COL1A1: variants seen among roughly 807,000 people sequenced by gnomAD.
The protein encoded by COL1A1 is collagen alpha-1(I) chain.
In COL1A1, 21 loss-of-function variants were observed where a neutral mutation model predicts 195.7. That is an observed-to-expected ratio of 0.11 (90% CI 0.08 to 0.15). The LOEUF (loss-of-function observed/expected upper bound fraction) is 0.15, where lower values mean the gene tolerates loss of function less well. COL1A1 is among the 10% of genes least tolerant of loss of function. COL1A1 has a pLI of 1.00. For synonymous variants in COL1A1, 749 were observed against 747.3 expected, an observed-to-expected ratio of 1.00 and a Z score of -0.04; for missense variants, 1,365 against 2,051.0, an observed-to-expected ratio of 0.67 and a Z score of 6.46.
chr17:50,200,030 A>T (rs1017312097), intron 1 of COL1A1, 83 bp from the exon 2 acceptor site: 3 of 1,452,120 alleles, frequency 2.1e-6, no homozygotes, highest in Admixed American at 1.7e-5. Context: ...TAAGAGGCAC[A>T]CTTGGATTTT....
Position 50,195,832 on chromosome 17 carries a change from G to A in COL1A1, c.1056+91C>T, listed in dbSNP as rs1172256672. 1 of 1,478,908 alleles carries A rather than the reference G, an allele frequency of 6.8e-7. No homozygotes were observed. The highest frequency in any genetic ancestry group is 2.5e-5 in the East Asian group (1 of 40,640). The allele number at this position is 1,478,908 out of a possible 1,614,324, so 91.6% of individuals were successfully genotyped here. A position where few individuals can be genotyped will look rare whatever the true frequency, so the allele number is the denominator to read the frequency against. On this transcript the variant is annotated intron_variant, in intron 16 of 50. Coordinates refer to ENST00000225964, the MANE Select transcript of COL1A1 (RefSeq NM_000088.4). The surrounding 1 kb of genome is among the most constrained non-coding windows in gnomAD (Gnocchi z 4.3). The stretch of plus-strand genomic sequence containing the variant: ...GTGTTAGTGAACGGGCTGCTCTCTT[G>A]CCACTCTGGGTCCCTTTGGTTTGGG...
intron 32 of COL1A1, 93 bp downstream of exon 32, chr17:50,191,290 A>G: frequency 1.7e-6 from 2 of 1,192,346 alleles, no homozygotes; most frequent in Admixed American, 3.4e-5. Flanking sequence ...GAAGAGGGAC[A>G]GATCCCAGAG....
At position 50,188,799 on chromosome 17, in the gene COL1A1, C is replaced by CAGAG. The variant is rs138425306; in HGVS notation, c.3046-8_3046-5dup. 4,722 of 1,539,044 alleles carry CAGAG rather than the reference C, an allele frequency of 3.1e-3. 59 individuals carry two copies. In the African/African-American group the frequency reaches 0.055, roughly 18 times the overall value. On this transcript the variant is annotated splice_region_variant and splice_polypyrimidine_tract_variant and intron_variant, in intron 41 of 50. Coordinates refer to ENST00000225964, the MANE Select transcript of COL1A1 (RefSeq NM_000088.4). This position sits in a 1 kb window ranked among gnomAD's most constrained non-coding sequence, Gnocchi z 5.6. Reference sequence around the variant, plus strand: ...AACCTTCGGCACCAGGAGCCCCCTGCAGAGAGAGAGAGAGAGAAGTGAGAG... The same window carrying CAGAG: ...AACCTTCGGCACCAGGAGCCCCCTGCAGAGAGAGAGAGAGAGAGAGAAGTGAGAG...
rs747451986 is a variant in COL1A1 at position 50,198,421 on chromosome 17, C to T, written c.543+12G>A. The T allele has an allele frequency of 1.9e-6, 3 of 1,612,548 alleles. No homozygotes were observed. Among genetic ancestry groups the T allele is most frequent in the Admixed American group, 1.7e-5 (1 of 59,798 alleles). On this transcript the variant is annotated intron_variant, in intron 6 of 50. Transcript: ENST00000225964. The stretch of plus-strand genomic sequence containing the variant: ...CTCTCTTCTGTCATCCATGCTCCCC[C>T]TGCTGGCTCACCATGGGGCCAGGCA...
rs1277631658 is a variant in COL1A1, at chr17:50,195,520, CTG to C, written c.1156-44_1156-43del. ...GGAGTGTCAGCAACAGGCAAGGACTCTGAGGTTAGAAAGTGGCAAAGGGGACA... is the reference window on the plus strand; with the variant it reads ...GGAGTGTCAGCAACAGGCAAGGACTCAGGTTAGAAAGTGGCAAAGGGGACA... On this transcript the variant is annotated intron_variant, in intron 17 of 50. Transcript: ENST00000225964. The surrounding 1 kb of genome is among the most constrained non-coding windows in gnomAD (Gnocchi z 4.3). 16 of 1,613,960 alleles carry C rather than the reference CTG, an allele frequency of 9.9e-6. No homozygotes were observed. The highest frequency in any genetic ancestry group is 1.4e-5 in the Non-Finnish European group (16 of 1,179,986).
Position 50,190,533 on chromosome 17 carries a change from C to G in COL1A1, c.2397+10G>C, listed in dbSNP as rs2144555148. ...CAAGTATGGGGTCTTAACAGGTCTT[C>G]TGTACTTACGGGGGCACCACGAGCT... On this transcript the variant is annotated intron_variant, in intron 34 of 50. Coordinates refer to ENST00000225964, the MANE Select transcript of COL1A1 (RefSeq NM_000088.4). This position sits in a 1 kb window ranked among gnomAD's most constrained non-coding sequence, Gnocchi z 4.7. The G allele has an allele frequency of 6.2e-7, 1 of 1,612,606 alleles. No homozygotes were observed. The highest frequency in any genetic ancestry group is 8.5e-7 in the Non-Finnish European group (1 of 1,179,108).
At position 50,185,950 on chromosome 17, in the gene COL1A1, G is replaced by A; in HGVS notation, c.4076C>T (p.Ser1359Phe). 1 of 1,614,068 alleles carries A rather than the reference G, an allele frequency of 6.2e-7. No homozygotes were observed. The highest frequency in any genetic ancestry group is 8.5e-7 in the Non-Finnish European group (1 of 1,180,024). ...GGTGATGTTCTGGGAGGCCTCGGTG[G>A]ACATCAGGCGCAGGAAGGTCAGCTG... ...AIQLTFLRLM[S>F]TEASQNITYH... is the part of the protein sequence containing the mutation. Residue 1359 changes from serine (S) to phenylalanine (F), a missense_variant, in exon 50 of 51, where the codon TCC (serine) becomes TTC (phenylalanine). By Grantham distance (155) the Ser-to-Phe change is radical. Transcript: ENST00000225964.
Position 50,185,811 on chromosome 17 carries a change from G to A in COL1A1, c.4215C>T (p.Arg1405=), listed in dbSNP as rs1598284018. The A allele has an allele frequency of 6.2e-7, 1 of 1,614,094 alleles. No homozygotes were observed. Among genetic ancestry groups the A allele is most frequent in the Non-Finnish European group, 8.5e-7 (1 of 1,180,038 alleles). ...EIEIRAEGNS[R]FTYSVTVDGC... ...CATCGACAGTGACGCTGTAGGTGAA[G>A]CGGCTGTTGCCCTCGGCGCGGATCT... Residue 1405 remains arginine, a synonymous_variant, in exon 50 of 51, where the codon CGC becomes CGT. Transcript: ENST00000225964.
In COL1A1 at chr17:50,189,507, G is replaced by A. The variant is rs1964089571; in HGVS notation, c.2699C>T (p.Pro900Leu). 6.2e-7 allele frequency: 1 copy of A among 1,613,644 alleles called. No homozygotes were observed. Among genetic ancestry groups the A allele is most frequent in the African/African-American group, 1.3e-5 (1 of 74,804 alleles). ...GNAGPPGPPG[P>L]AGKEGGKGPR... Reference sequence around the variant, plus strand: ...ACCTTTGCCGCCTTCTTTGCCAGCAGGACCAGGAGGGCCAGGGGGTCCAGC... The same window carrying A: ...ACCTTTGCCGCCTTCTTTGCCAGCAAGACCAGGAGGGCCAGGGGGTCCAGC... Residue 900 changes from proline to leucine, a missense_variant, in exon 39 of 51, where the codon CCT becomes CTT. By Grantham distance (98) the Pro-to-Leu change is moderately conservative. This residue lies in a region of COL1A1 where 671 missense variants were observed against 1,099.9 expected (regional missense o/e 0.61). Coordinates refer to ENST00000225964, the MANE Select transcript of COL1A1 (RefSeq NM_000088.4). This position sits in a 1 kb window ranked among gnomAD's most constrained non-coding sequence, Gnocchi z 5.5.
chr17:50,193,482 TTC>T (rs1026116342), intron 25 of COL1A1: 7 of 128,770 alleles, frequency 5.4e-5, no homozygotes, highest in South Asian at 7.3e-5. Context: ...TCTTTCTTTC[TTC>T]TTTTTTTTTT....
rs1394634754 is a variant in COL1A1 at position 50,194,759 on chromosome 17, G to T, written c.1423C>A (p.Pro475Thr). Residue 475 changes from proline to threonine, a missense_variant, in exon 21 of 51, where the codon CCC becomes ACC. By Grantham distance (38) the Pro-to-Thr change is conservative. Transcript: ENST00000225964. This position sits in a 1 kb window ranked among gnomAD's most constrained non-coding sequence, Gnocchi z 6.8. ...EEGKRGARGE[P>T]GPTGLPGPPG... ...GGTCCGGGCAGGCCAGTGGGTCCGGGTTCACCTCGAGCTCCTCGCTTTCCT... is the reference window on the plus strand; with the variant it reads ...GGTCCGGGCAGGCCAGTGGGTCCGGTTTCACCTCGAGCTCCTCGCTTTCCT... The T allele has an allele frequency of 1.1e-5, 17 of 1,573,362 alleles. No homozygotes were observed. Among genetic ancestry groups the T allele is most frequent in the Admixed American group, 1.8e-5 (1 of 54,880 alleles).
chr17:50,198,327 C>T, intron 6 of COL1A1, 106 bp downstream of exon 6: 1 of 1,538,644 alleles, frequency 6.5e-7, no homozygotes, highest in Non-Finnish European at 9.0e-7. Flanking sequence ...TCTGAGGTCC[C>T]AAAGGTGATC....
chr17:50,189,479 G>A lies in COL1A1; in HGVS notation c.2727C>T (p.Pro909=). ...GTCCAGCAGGGCCAGTCTCACCACG[G>A]GGACCTTTGCCGCCTTCTTTGCCAG... ...GPAGKEGGKG[P]RGETGPAGRP... The change falls in exon 39 of 51, where the codon CCC becomes CCT. Residue 909 remains proline (P), a synonymous_variant. Transcript: ENST00000225964. This position sits in a 1 kb window ranked among gnomAD's most constrained non-coding sequence, Gnocchi z 5.5. 4 of 1,613,546 alleles carry A rather than the reference G, an allele frequency of 2.5e-6. No individual in the cohort carries two copies. The highest frequency in any genetic ancestry group is 3.4e-6 in the Non-Finnish European group (4 of 1,179,836).
chr17:50,199,635 C>G (rs760965814), intron 2 of COL1A1, 45 bp from the exon 3 acceptor site: 6 of 1,613,530 alleles, frequency 3.7e-6, no homozygotes, highest in Non-Finnish European at 8.5e-7. Flanking sequence ...TTTGCTAATG[C>G]TGCTCCCGTC....
chr17:50,187,526 A>G lies in COL1A1; in HGVS notation c.3381T>C (p.Gly1127=), dbSNP rs111738740. 1 of 1,613,932 alleles carries G rather than the reference A, an allele frequency of 6.2e-7. No homozygotes were observed. Among genetic ancestry groups the G allele is most frequent in the Non-Finnish European group, 8.5e-7 (1 of 1,179,936 alleles). Reference sequence around the variant, plus strand: ...CAGAGGCTCCAGAGGGACCTTGTTCACCAGGAGAGCCCTGAAGGACAGATA... The same window carrying G: ...CAGAGGCTCCAGAGGGACCTTGTTCGCCAGGAGAGCCCTGAAGGACAGATA... ...QGPPGPPGSP[G]EQGPSGASGP... Residue 1127 remains glycine, a synonymous_variant, in exon 46 of 51, where the codon GGT becomes GGC. Coordinates refer to ENST00000225964, the MANE Select transcript of COL1A1 (RefSeq NM_000088.4).
At position 50,195,272 on chromosome 17, in the gene COL1A1, G is replaced by C. The variant is rs1407160641; in HGVS notation, c.1259C>G (p.Pro420Arg). 29 of 1,613,616 alleles carry C rather than the reference G, an allele frequency of 1.8e-5. No individual in the cohort carries two copies. The highest frequency in any genetic ancestry group is 2.2e-5 in the Non-Finnish European group (26 of 1,179,758). The stretch of plus-strand genomic sequence containing the variant: ...ACCAGGAGGGCCGCCGGGGCCCTGG[G>C]GTCCAGAGGGGCCTCGGGCACCAGG... ...GFPGARGPSG[P>R]QGPGGPPGPK... is the part of the protein sequence containing the mutation. Residue 420 changes from proline (P) to arginine (R), a missense_variant, in exon 19 of 51, where the codon CCC (proline) becomes CGC (arginine). Pro to Arg is a moderately radical substitution (Grantham distance 103). This residue lies in a region of COL1A1 where 226 missense variants were observed against 372.9 expected (regional missense o/e 0.61). Transcript: ENST00000225964. The surrounding 1 kb of genome is among the most constrained non-coding windows in gnomAD (Gnocchi z 4.3).
chr17:50,186,149 C>T lies in COL1A1; in HGVS notation c.4006-129G>A. On this transcript the variant is annotated intron_variant, in intron 49 of 50. Coordinates refer to ENST00000225964, the MANE Select transcript of COL1A1 (RefSeq NM_000088.4). This position sits in a 1 kb window ranked among gnomAD's most constrained non-coding sequence, Gnocchi z 5.3. ...TTATATCGAGAGGAGGCACCACCTGCCCATCGGCAGCCTGTGTCTGAACCA... is the reference window on the plus strand; with the variant it reads ...TTATATCGAGAGGAGGCACCACCTGTCCATCGGCAGCCTGTGTCTGAACCA... 1 of 1,521,686 alleles carries T rather than the reference C, an allele frequency of 6.6e-7. No individual in the cohort carries two copies. Among genetic ancestry groups the T allele is most frequent in the Non-Finnish European group, 8.9e-7 (1 of 1,120,142 alleles). 94.3% of individuals were successfully genotyped at this position (1,521,686 alleles called of 1,614,324 possible).
In COL1A1 at chr17:50,199,603, G is replaced by A; in HGVS notation, c.299-13C>T. The A allele has an allele frequency of 6.2e-7, 1 of 1,614,098 alleles. No individual in the cohort carries two copies. Among genetic ancestry groups the A allele is most frequent in the Non-Finnish European group, 8.5e-7 (1 of 1,179,978 alleles). On this transcript the variant is annotated splice_polypyrimidine_tract_variant and intron_variant, in intron 2 of 50. Coordinates refer to ENST00000225964, the MANE Select transcript of COL1A1 (RefSeq NM_000088.4). ...TCGGTGGGTGACTCTAGGGGACGAA[G>A]AGACGCGCGTTAGAGCCAAGGTTTG...
At position 50,188,025 on chromosome 17, in the gene COL1A1, T is replaced by C. The variant is rs746428867; in HGVS notation, c.3262-42A>G. 77 of 1,613,730 alleles carry C rather than the reference T, an allele frequency of 4.8e-5. No homozygotes were observed. In the South Asian group the frequency reaches 5.9e-4, roughly 12 times the overall value. On this transcript the variant is annotated intron_variant, in intron 44 of 50. Transcript: ENST00000225964. This position sits in a 1 kb window ranked among gnomAD's most constrained non-coding sequence, Gnocchi z 5.6. The stretch of plus-strand genomic sequence containing the variant: ...GACAAACTGTCAGGCGGAAGTTCCA[T>C]TGGCATCGAGTGGGGCACTGTCTGC...
Sources: gnomAD v4.1 joint callset for allele counts on GRCh38, gnomAD v4.1.1 for gene constraint, gnomAD v4.1.1 regional missense constraint, Gnocchi (gnomAD v3.1) non-coding constraint, MANE v1.5 for transcripts, NCBI Gene and HGNC (gene_info 2026-07-23, HGNC 2026-07-21) for gene names.